Variants in ADAMTS12 observed in about 807,000 individuals in gnomAD.
ADAMTS12 encodes the protein A disintegrin and metalloproteinase with thrombospondin motifs 12.
A neutral mutation model predicts 167.8 loss-of-function variants in ADAMTS12; 118 were observed. That is an observed-to-expected ratio of 0.70 (90% CI 0.61 to 0.82). The LOEUF (loss-of-function observed/expected upper bound fraction) is 0.82, where lower values mean the gene tolerates loss of function less well. Among genes scored for constraint, ADAMTS12 ranks in the 40% least tolerant of loss-of-function variants. ADAMTS12 has a pLI of 0.00. For synonymous variants in ADAMTS12, 704 were observed against 716.9 expected (o/e 0.98, Z 0.29); for missense variants, 1,916 against 1,998.8 (o/e 0.96, Z 0.79).
At chr5:33,824,944 G>A (rs903528445) in intron 2 of ADAMTS12, among the ~76,000 whole-genome samples, 6 of 152,152 alleles carry the variant, frequency 3.9e-5, no homozygotes, top group Non-Finnish European at 5.9e-5. Context: ...AAGGAGTTTG[G>A]ATTCCTGAGC....
intron 2 of ADAMTS12, among the ~76,000 whole-genome samples, chr5:33,876,187 T>C (rs1162336535): frequency 6.6e-6 from 1 of 152,156 alleles, no homozygotes; most frequent in Non-Finnish European, 1.5e-5. Context: ...TGTTCATGGA[T>C]CACAAGACTT....
intron 3 of ADAMTS12, among the ~76,000 whole-genome samples, chr5:33,686,763 C>T (rs937189822): frequency 1.3e-5 from 2 of 151,022 alleles, no homozygotes; most frequent in African/African-American, 4.9e-5. Flanking sequence ...ACACCTCTCT[C>T]TCTATATATA....
intron 15 of ADAMTS12, among the ~76,000 whole-genome samples, chr5:33,615,488 T>A (rs193239681): frequency 6.6e-6 from 1 of 152,284 alleles, no homozygotes; most frequent in African/African-American, 2.4e-5. Flanking sequence ...CAGAGTAACA[T>A]GTCACTTTAT....
At chr5:33,626,307 G>T (rs935378968) in intron 13 of ADAMTS12, among the ~76,000 whole-genome samples, 1 of 151,016 alleles carries the variant, frequency 6.6e-6, no homozygotes, top group African/African-American at 2.4e-5. Flanking sequence ...GTGCTGCGGG[G>T]TAATGGTGGC....
intron 1 of ADAMTS12, among the ~76,000 whole-genome samples, chr5:33,882,502 T>C (rs971914465): frequency 2.0e-5 from 3 of 152,198 alleles, no homozygotes; most frequent in African/African-American, 7.2e-5. Flanking sequence ...CTTATTTTGA[T>C]GTTTGAGAAT....
intron 20 of ADAMTS12, among the ~76,000 whole-genome samples, chr5:33,554,483 A>T (rs1561122083): frequency 6.6e-6 from 1 of 152,140 alleles, no homozygotes; most frequent in Non-Finnish European, 1.5e-5. Flanking sequence ...GTGTCAAGAG[A>T]GTGTGATGGT....
At chr5:33,628,447 T>C (rs35736709) in intron 13 of ADAMTS12, among the ~76,000 whole-genome samples, 4,846 of 152,226 alleles carry the variant, frequency 0.032, 279 homozygotes, top group African/African-American at 0.11. Context: ...AGGGCACAGA[T>C]AGTTACCTCC....
At chr5:33,676,707 C>CACACACAGAGAG (rs879440613) in intron 5 of ADAMTS12, among the ~76,000 whole-genome samples, 67 of 149,122 alleles carry the variant, frequency 4.5e-4, no homozygotes, top group African/African-American at 1.6e-3. Flanking sequence ...CACACACACA[C>CACACACAGAGAG]AGAGAGAGAG....
At chr5:33,712,999 G>A (rs1285560357) in intron 3 of ADAMTS12, among the ~76,000 whole-genome samples, 1 of 152,088 alleles carries the variant, frequency 6.6e-6, no homozygotes, top group African/African-American at 2.4e-5. Context: ...ACTTGTTAGG[G>A]ATTTGCATCT....
chr5:33,657,908 C>T (rs1202747234), intron 7 of ADAMTS12, among the ~76,000 whole-genome samples: 2 of 152,160 alleles, frequency 1.3e-5, no homozygotes, highest in African/African-American at 4.8e-5. Flanking sequence ...TATCTCTGCC[C>T]TTCCTCCATT....
intron 18 of ADAMTS12, among the ~76,000 whole-genome samples, chr5:33,584,406 T>C (rs375146370): frequency 2.0e-5 from 3 of 151,954 alleles, no homozygotes; most frequent in African/African-American, 7.3e-5. Context: ...CCTTGAAAAA[T>C]CTGTAGGCCC....
At position 33,648,873 on chromosome 5, in the gene ADAMTS12, G is replaced by C. The variant is rs766160981; in HGVS notation, c.1428C>G (p.His476Gln). ...TGGGTCCATATTGTAGCTGGCACTG[G>C]TGGTGAACATCATAGATCACTCCGG... is the stretch of plus-strand genomic sequence containing the variant. ...IAPGVIYDVH[H>Q]QCQLQYGPNA... Residue 476 changes from histidine to glutamine, a missense_variant, in exon 9 of 24, where the codon CAC (histidine) becomes CAG (glutamine). By Grantham distance (24) the His-to-Gln change is conservative. Coordinates refer to ENST00000504830, the MANE Select transcript of ADAMTS12 (RefSeq NM_030955.4). 1.9e-6 allele frequency: 3 copies of C among 1,614,012 alleles called. No homozygotes were observed. Among genetic ancestry groups the C allele is most frequent in the Non-Finnish European group, 2.5e-6 (3 of 1,179,982 alleles).
intron 2 of ADAMTS12, among the ~76,000 whole-genome samples, chr5:33,821,023 C>G (rs1747848395): frequency 6.6e-6 from 1 of 152,072 alleles, no homozygotes; most frequent in Admixed American, 6.6e-5. Flanking sequence ...CTAATGGGTA[C>G]TACCCTTAAT....
At chr5:33,864,995 A>C (rs573718741) in intron 2 of ADAMTS12, among the ~76,000 whole-genome samples, 1 of 152,288 alleles carries the variant, frequency 6.6e-6, no homozygotes, top group South Asian at 2.1e-4. Context: ...TTAAATAAAA[A>C]AAAAAGATCA....
intron 2 of ADAMTS12, among the ~76,000 whole-genome samples, chr5:33,841,805 C>T (rs1035883094): frequency 6.6e-6 from 1 of 152,202 alleles, no homozygotes; most frequent in Admixed American, 6.5e-5. Flanking sequence ...GTCCTAGATG[C>T]TACCAAGCAG....
intron 16 of ADAMTS12, among the ~76,000 whole-genome samples, chr5:33,604,515 AAG>A (rs1406397967): frequency 4.0e-5 from 6 of 150,562 alleles, no homozygotes; most frequent in Admixed American, 6.6e-5. Context: ...ATTAAAAAAA[AAG>A]AAAAGAAAAG....
At chr5:33,661,534 A>G (rs994590867) in intron 6 of ADAMTS12, among the ~76,000 whole-genome samples, 1 of 152,234 alleles carries the variant, frequency 6.6e-6, no homozygotes, top group African/African-American at 2.4e-5. Flanking sequence ...AGAAAAATAA[A>G]ATAGCAAAGG....
intron 3 of ADAMTS12, among the ~76,000 whole-genome samples, chr5:33,743,050 A>G (rs1436495071): frequency 6.6e-6 from 1 of 152,228 alleles, no homozygotes; most frequent in African/African-American, 2.4e-5. Flanking sequence ...TTTTGAGTTC[A>G]TTAGCATGAA....
At chr5:33,580,012 C>T (rs1481558822) in intron 18 of ADAMTS12, among the ~76,000 whole-genome samples, 1 of 152,226 alleles carries the variant, frequency 6.6e-6, no homozygotes, top group Non-Finnish European at 1.5e-5. Context: ...GATCCACACA[C>T]CCCCTACTGG....
Sources: gnomAD v4.1 joint callset for allele counts (sites outside exome capture counted in the v4.1 genomes callset) on GRCh38, gnomAD v4.1.1 for gene constraint, MANE v1.5 for transcripts, NCBI Gene and HGNC (gene_info 2026-07-23, HGNC 2026-07-21) for gene names.